EYS: variants seen among roughly 807,000 people sequenced by gnomAD.
EYS encodes the protein EGF-like photoreceptor maintenance factor.
In EYS, 250 loss-of-function variants were observed where a neutral mutation model predicts 282.1. The ratio of observed to expected loss-of-function variants is 0.89; its 90% CI spans 0.80 to 0.98. EYS has a LOEUF of 0.98. EYS is among the 50% of genes least tolerant of loss of function. The probability of loss-of-function intolerance (pLI) is 0.00; values close to 1 mark genes in which losing one functional copy is unlikely to be tolerated. For missense variants in EYS, 4,016 were observed against 3,709.0 expected (o/e 1.08, Z -2.15); for synonymous variants, 1,355 against 1,282.9 (o/e 1.06, Z -1.20).
intron 26 of EYS, among the ~76,000 whole-genome samples, chr6:64,549,991 G>GT (rs1456845928): frequency 1.3e-5 from 2 of 152,116 alleles, no homozygotes; most frequent in East Asian, 1.9e-4. Flanking sequence ...GCGGTGTTTG[G>GT]TTTTTTGTCC....
chr6:64,323,817 A>G (rs1582598005), intron 29 of EYS, among the ~76,000 whole-genome samples: 1 of 152,096 alleles, frequency 6.6e-6, no homozygotes, highest in East Asian at 1.9e-4. Flanking sequence ...AGTGTGCAGT[A>G]GATGCCGTGG....
intron 30 of EYS, among the ~76,000 whole-genome samples, chr6:64,234,232 C>T (rs761876598): frequency 6.6e-6 from 1 of 151,138 alleles, no homozygotes; most frequent in Non-Finnish European, 1.5e-5. Flanking sequence ...TAACAAAATG[C>T]ATATATCTCA....
At position 64,590,917 on chromosome 6, in the gene EYS, G is replaced by A. The variant is rs1442675634; in HGVS notation, c.4950C>T (p.Thr1650=). 2.6e-6 allele frequency: 4 copies of A among 1,550,116 alleles called. No individual in the cohort carries two copies. In the South Asian group the frequency reaches 4.8e-5, roughly 18 times the overall value. ...ILSSSLEESI[T]LSSNLDVNLC... is the part of the protein sequence containing the mutation. The stretch of plus-strand genomic sequence containing the variant: ...AATTAACATCCAAATTACTTGATAG[G>A]GTAATGGATTCTTCCAAGGATGAGG... The change falls in exon 26 of 43, where the codon ACC becomes ACT. Residue 1650 remains threonine, a synonymous_variant. Coordinates refer to ENST00000503581, the MANE Select transcript of EYS (RefSeq NM_001142800.2).
intron 26 of EYS, among the ~76,000 whole-genome samples, chr6:64,466,090 A>G (rs899105569): frequency 1.3e-5 from 2 of 152,112 alleles, no homozygotes; most frequent in African/African-American, 4.8e-5. Context: ...TATCTAAAAG[A>G]TGAAAGATAA....
chr6:65,177,177 G>A (rs527331874), intron 12 of EYS, among the ~76,000 whole-genome samples: 14 of 151,758 alleles, frequency 9.2e-5, no homozygotes, highest in African/African-American at 3.1e-4. Flanking sequence ...AAAAATCTTT[G>A]CTGGCAACTA....
At chr6:65,082,819 A>G (rs1774262733) in intron 12 of EYS, among the ~76,000 whole-genome samples, 1 of 152,008 alleles carries the variant, frequency 6.6e-6, no homozygotes, top group Admixed American at 6.6e-5. Context: ...TTTCACTGAT[A>G]TATGAAATCT....
chr6:65,120,160 A>AAAAAC (rs1775493776), intron 12 of EYS, among the ~76,000 whole-genome samples: 4 of 149,834 alleles, frequency 2.7e-5, no homozygotes, highest in African/African-American at 9.9e-5. Context: ...TCAAAAAAAA[A>AAAAAC]AAAAAACAAA....
At chr6:65,560,517 G>A (rs1054371544) in intron 2 of EYS, among the ~76,000 whole-genome samples, 1 of 149,882 alleles carries the variant, frequency 6.7e-6, no homozygotes, top group East Asian at 2.0e-4. Flanking sequence ...ATACGTGTGT[G>A]TATGTGGTGT....
chr6:64,698,769 CA>C (rs2149921983), intron 22 of EYS, among the ~76,000 whole-genome samples: 3 of 152,302 alleles, frequency 2.0e-5, no homozygotes, highest in African/African-American at 7.2e-5. Flanking sequence ...ATCAAAACCA[CA>C]TTAAGATACC....
chr6:65,060,358 A>G (rs1030200662), intron 12 of EYS, among the ~76,000 whole-genome samples: 1 of 151,998 alleles, frequency 6.6e-6, no homozygotes, highest in Non-Finnish European at 1.5e-5. Flanking sequence ...GAAACTTGAC[A>G]GTCCAAGATG....
At position 64,705,830 on chromosome 6, in the gene EYS, G is replaced by A. The variant is rs1447911589; in HGVS notation, c.3444-79585C>T. Among the ~76,000 whole-genome samples the A allele has an allele frequency of 7.1e-5, 9 of 126,274 alleles. No homozygotes were observed. In the East Asian group the frequency reaches 2.2e-3, roughly 31 times the overall value. The allele number at this position is 126,274 out of a possible 152,430, so 82.8% of individuals were successfully genotyped here. ...CATCACACTCTGGGGACTGTTGTGG[G>A]GTGGGAGGGAGGGGGGAGGGGGGAG... On this transcript the variant is annotated intron_variant, in intron 22 of 42. Coordinates refer to ENST00000503581, the MANE Select transcript of EYS (RefSeq NM_001142800.2).
chr6:65,446,366 T>C (rs2150398156), intron 5 of EYS, among the ~76,000 whole-genome samples: 1 of 151,996 alleles, frequency 6.6e-6, no homozygotes, highest in South Asian at 2.1e-4. Flanking sequence ...TAAACTATAT[T>C]AACTTCAAAG....
intron 24 of EYS, among the ~76,000 whole-genome samples, chr6:64,602,224 C>T (rs1429294983): frequency 6.6e-6 from 1 of 151,996 alleles, no homozygotes; most frequent in Non-Finnish European, 1.5e-5. Flanking sequence ...TATTTGTATG[C>T]TGCTAACCAA....
Position 65,295,983 on chromosome 6 carries a change from A to G in EYS, c.1903T>C (p.Tyr635His), listed in dbSNP as rs1386425607. 1.3e-6 allele frequency: 2 copies of G among 1,551,270 alleles called. No individual in the cohort carries two copies. Residue 635 changes from tyrosine to histidine, a missense_variant, in exon 12 of 43, where the codon TAT becomes CAT. By Grantham distance (83) the Tyr-to-His change is moderately conservative. Coordinates refer to ENST00000503581, the MANE Select transcript of EYS (RefSeq NM_001142800.2). ...HNCNCSGLQR[Y>H]ERNICEIDTE... ...TCTATCTCACAGATGTTCCTTTCAT[A>G]TCTTTGCAGACCGCTACAGTTACAA...
chr6:64,520,850 T>C (rs1236360844), intron 26 of EYS, among the ~76,000 whole-genome samples: 2 of 151,742 alleles, frequency 1.3e-5, no homozygotes, highest in Non-Finnish European at 2.9e-5. Context: ...GTGTATCAGT[T>C]AGGATTTGAT....
intron 12 of EYS, among the ~76,000 whole-genome samples, chr6:65,275,063 G>C (rs1768010195): frequency 6.6e-6 from 1 of 152,166 alleles, no homozygotes; most frequent in Non-Finnish European, 1.5e-5. Flanking sequence ...TTTAGGGGAG[G>C]TCCAGATTGC....
chr6:64,957,045 C>G (rs1476194186), intron 14 of EYS, among the ~76,000 whole-genome samples: 1 of 152,142 alleles, frequency 6.6e-6, no homozygotes, highest in Non-Finnish European at 1.5e-5. Flanking sequence ...ATAGAGCTAT[C>G]AAATGATCCA....
chr6:64,713,820 G>T (rs1322444673), intron 22 of EYS, among the ~76,000 whole-genome samples: 3 of 152,086 alleles, frequency 2.0e-5, no homozygotes, highest in Non-Finnish European at 4.4e-5. Context: ...GGGCTTTCCT[G>T]TATTTCTTAT....
chr6:65,663,705 G>A (rs1297705603), intron 1 of EYS, among the ~76,000 whole-genome samples: 1 of 151,760 alleles, frequency 6.6e-6, no homozygotes, highest in East Asian at 1.9e-4. Flanking sequence ...TTTTTGAGAC[G>A]GAGTCTCGCT....
Sources: gnomAD v4.1 joint callset for allele counts (sites outside exome capture counted in the v4.1 genomes callset) on GRCh38, gnomAD v4.1.1 for gene constraint, MANE v1.5 for transcripts, NCBI Gene and HGNC (gene_info 2026-07-23, HGNC 2026-07-21) for gene names.